Variants in PANK2 observed in about 807,000 individuals in gnomAD.
PANK2 encodes the protein pantothenate kinase 2.
In PANK2, 36 loss-of-function variants were observed where a neutral mutation model predicts 43.1. The observed-to-expected ratio is 0.84, with a 90% confidence interval of 0.64 to 1.10. PANK2 has a LOEUF of 1.10. PANK2 is among the 50% of genes least tolerant of loss of function. The probability of loss-of-function intolerance (pLI) is 0.00; values close to 1 mark genes in which losing one functional copy is unlikely to be tolerated. For synonymous variants in PANK2, 281 were observed against 238.2 expected, an observed-to-expected ratio of 1.18 and a Z score of -1.66; for missense variants, 576 against 593.3, an observed-to-expected ratio of 0.97 and a Z score of 0.30.
intron 1 of PANK2, among the ~76,000 whole-genome samples, chr20:3,896,398 A>G (rs1177718628): frequency 6.6e-6 from 1 of 151,918 alleles, no homozygotes; most frequent in Non-Finnish European, 1.5e-5. Flanking sequence ...TGTATTTCCC[A>G]TTGGAAAGTG....
upstream of PANK2, chr20:3,888,843 T>C (rs1337245147): frequency 4.2e-6 from 2 of 474,092 alleles, no homozygotes; most frequent in Admixed American, 3.5e-5. Flanking sequence ...CCAAACATGC[T>C]GGGGGAGGGG....
rs2090747191 is a variant in PANK2 at position 3,927,836 on chromosome 20, A to G, written c.*4542A>G. Reference sequence around the variant, plus strand: ...AGAGAGTTCCCCCAAAGCACAAACAAGTCTGCTGACACTGGTGGGGCCCTT... The same window carrying G: ...AGAGAGTTCCCCCAAAGCACAAACAGGTCTGCTGACACTGGTGGGGCCCTT... On this transcript the variant is annotated 3_prime_UTR_variant, in exon 7 of 7. Transcript: ENST00000610179. 6.6e-6 allele frequency: 1 copy of G among 152,270 alleles called. No homozygotes were observed. The highest frequency in any genetic ancestry group is 2.1e-4 in the South Asian group (1 of 4,836). 9.4% of individuals were successfully genotyped at this position (152,270 alleles called of 1,614,324 possible).
At chr20:3,902,796 TTTTG>T (rs2090322701) in intron 1 of PANK2, among the ~76,000 whole-genome samples, 1 of 151,948 alleles carries the variant, frequency 6.6e-6, no homozygotes, top group Non-Finnish European at 1.5e-5. Flanking sequence ...AATCTTTTAA[TTTTG>T]TTTTCTATTT....
At chr20:3,910,931 A>C in intron 3 of PANK2, 101 bp downstream of exon 3, 12 of 1,429,880 alleles carry the variant, frequency 8.4e-6, no homozygotes, top group Non-Finnish European at 1.1e-5. Context: ...GTTAGGTGAA[A>C]GTGTTTCTGG....
chr20:3,923,711 T>G lies in PANK2; in HGVS notation c.*417T>G, dbSNP rs1291426027. ...TAATCACAATTTGTCAATATGGTCT[T>G]GGCAATCATCTGTGCATTACTCTGG... On this transcript the variant is annotated 3_prime_UTR_variant, in exon 7 of 7. Coordinates refer to ENST00000610179, the MANE Select transcript of PANK2 (RefSeq NM_001386393.1). The G allele has an allele frequency of 4.3e-6, 1 of 235,234 alleles. No individual in the cohort carries two copies. The highest frequency in any genetic ancestry group is 8.5e-6 in the Non-Finnish European group (1 of 117,188). The allele number at this position is 235,234 out of a possible 1,614,324, so 14.6% of individuals were successfully genotyped here.
At chr20:3,891,880 T>C (rs2090128367) in intron 1 of PANK2, among the ~76,000 whole-genome samples, 1 of 152,376 alleles carries the variant, frequency 6.6e-6, no homozygotes, top group South Asian at 2.1e-4. Flanking sequence ...ATATTTTGTT[T>C]TGATGTTTGA....
rs577001147 is a variant in PANK2 at position 3,896,321 on chromosome 20, G to A, written c.298+6593G>A. Among the ~76,000 whole-genome samples the A allele has an allele frequency of 4.0e-3, 592 of 147,824 alleles. 2 individuals are homozygous for A. The highest frequency in any genetic ancestry group is 3.8e-3 in the Non-Finnish European group (254 of 67,538). On this transcript the variant is annotated intron_variant, in intron 1 of 6. Transcript: ENST00000610179. ...TCTCTATCTCCTGACCTCGTGATCC[G>A]CCTGCCTTGGCCTCCCGAAGTGCTG... is the stretch of plus-strand genomic sequence containing the variant.
intron 1 of PANK2, among the ~76,000 whole-genome samples, chr20:3,905,708 A>G (rs1600527197): frequency 7.0e-6 from 1 of 142,602 alleles, no homozygotes; most frequent in Non-Finnish European, 1.5e-5. Flanking sequence ...ATATCAATAA[A>G]CCCACACCCT....
intron 6 of PANK2, among the ~76,000 whole-genome samples, chr20:3,919,717 G>T (rs2090618889): frequency 6.6e-6 from 1 of 151,782 alleles, no homozygotes; most frequent in Non-Finnish European, 1.5e-5. Flanking sequence ...TTGGTTGTGG[G>T]GCAGTTGAAC....
In PANK2 at chr20:3,918,782, T is replaced by C. The variant is rs138402319; in HGVS notation, c.1318T>C (p.Phe440Leu). Residue 440 changes from phenylalanine to leucine, a missense_variant, in exon 6 of 7, where the codon TTT (phenylalanine) becomes CTT (leucine). By Grantham distance (22) the Phe-to-Leu change is conservative. Transcript: ENST00000610179. ...GTCCAAGGGGCAGTTGAAAGCACTT[T>C]TTTCGGAACACGAGGTAAGCTGACT... is the stretch of plus-strand genomic sequence containing the variant. 1 of 1,614,248 alleles carries C rather than the reference T, an allele frequency of 6.2e-7. No individual in the cohort carries two copies. The highest frequency in any genetic ancestry group is 8.5e-7 in the Non-Finnish European group (1 of 1,180,050).
intron 1 of PANK2, among the ~76,000 whole-genome samples, chr20:3,896,376 C>T (rs2090209477): frequency 6.6e-6 from 1 of 151,948 alleles, no homozygotes; most frequent in African/African-American, 2.4e-5. Context: ...CCATGCCCAG[C>T]CTACTGAACT....
At chr20:3,888,817 A>C, upstream of PANK2, 1 of 423,996 alleles carries the variant, frequency 2.4e-6, no homozygotes. Context: ...CGCAGGCGGA[A>C]AGGAGGCGGC....
intron 1 of PANK2, among the ~76,000 whole-genome samples, chr20:3,905,537 T>C (rs1386908394): frequency 6.7e-6 from 1 of 148,158 alleles, no homozygotes; most frequent in Non-Finnish European, 1.5e-5. Context: ...TTAGTAGAGA[T>C]GGGGTTTCAC....
At chr20:3,919,142 C>A (rs1458708761) in intron 6 of PANK2, among the ~76,000 whole-genome samples, 1 of 152,152 alleles carries the variant, frequency 6.6e-6, no homozygotes, top group Non-Finnish European at 1.5e-5. Flanking sequence ...AAACTCCTGA[C>A]CTTAAGTGAT....
At chr20:3,889,145 G>C, upstream of PANK2, 1 of 1,575,864 alleles carries the variant, frequency 6.3e-7, no homozygotes, top group Non-Finnish European at 8.6e-7. Context: ...ATTGGGCGGC[G>C]CCGCCATCAC....
At chr20:3,896,186 C>T (rs1235527304) in intron 1 of PANK2, among the ~76,000 whole-genome samples, 2 of 150,990 alleles carry the variant, frequency 1.3e-5, no homozygotes, top group African/African-American at 4.9e-5. Flanking sequence ...GCTCAGCCTC[C>T]TGAGTAGCTG....
chr20:3,914,526 T>C (rs2090528161), intron 4 of PANK2, among the ~76,000 whole-genome samples: 1 of 151,920 alleles, frequency 6.6e-6, no homozygotes, highest in African/African-American at 2.4e-5. Context: ...TAGGCTGTCC[T>C]GGCCTCAAGT....
intron 1 of PANK2, among the ~76,000 whole-genome samples, chr20:3,898,011 A>G (rs79087355): frequency 0.23 from 35,611 of 151,968 alleles, 4,671 homozygotes; most frequent in East Asian, 0.43. Context: ...TCTCAAAAAA[A>G]AAAACCTCTT....
At chr20:3,900,152 A>G (rs2090278164) in intron 1 of PANK2, among the ~76,000 whole-genome samples, 1 of 151,664 alleles carries the variant, frequency 6.6e-6, no homozygotes, top group Admixed American at 6.6e-5. Context: ...CCAGGCATTT[A>G]TTTTAGTCAT....
Sources: allele counts gnomAD v4.1 joint callset (sites outside exome capture counted in the v4.1 genomes callset), GRCh38; gene constraint gnomAD v4.1.1; transcripts MANE v1.5; gene names NCBI Gene and HGNC (gene_info 2026-07-23, HGNC 2026-07-21).